IQCF2: variants seen among roughly 807,000 people sequenced by gnomAD.
IQCF2 encodes IQ domain-containing protein F2.
A neutral mutation model predicts 7.0 loss-of-function variants in IQCF2; 6 were observed. The observed-to-expected ratio is 0.86, with a 90% CI of 0.47 to 1.70. The LOEUF (loss-of-function observed/expected upper bound fraction) is 1.70. IQCF2 is among the 40% of genes most tolerant of loss of function. The pLI is 0.01. For missense variants in IQCF2, 174 were observed against 204.6 expected, an observed-to-expected ratio of 0.85 and a Z score of 0.91; for synonymous variants, 67 against 74.0, an observed-to-expected ratio of 0.91 and a Z score of 0.48.
At chr3:51,862,851 A>G in intron 2 of IQCF2, 136 bp from the exon 3 acceptor site, 1 of 1,040,846 alleles carries the variant, frequency 9.6e-7, no homozygotes, top group Non-Finnish European at 1.4e-6. Flanking sequence ...GATGGCTCCT[A>G]GTCAGTGTCC....
Position 51,863,092 on chromosome 3 carries a change from AT to A in IQCF2, c.219del (p.Gln74SerfsTer6), listed in dbSNP as rs1342961991. ...GCATGCAGCCCTCAGGGCCTGGATA[AT>A]TCAGTGCTGGTGGCGGATGACGCTG... The part of the protein sequence containing the change: ...LLHAALRAWI[I>X]QCWWRMTLSR... On this transcript the variant is annotated frameshift_variant, in exon 3 of 3. Transcript: ENST00000333127. LOFTEE classifies it low-confidence loss of function (END_TRUNC). 1.2e-6 allele frequency: 2 copies of A among 1,614,146 alleles called. No homozygotes were observed. The highest frequency in any genetic ancestry group is 1.7e-6 in the Non-Finnish European group (2 of 1,180,048).
At position 51,863,221 on chromosome 3, in the gene IQCF2, C is replaced by T. The variant is rs754264907; in HGVS notation, c.346C>T (p.Arg116Cys). Reference protein sequence around the residue: ...LQSLVRMWRVRWRYCQVLNAI... With the variant: ...LQSLVRMWRVCWRYCQVLNAI... ...GTCTTTGGTCCGTATGTGGCGTGTC[C>T]GCTGGCGATACTGCCAGGTGCTCAA... is the stretch of plus-strand genomic sequence containing the variant. The change falls in exon 3 of 3, where the codon CGC becomes TGC. Residue 116 changes from arginine (R) to cysteine (C), a missense_variant. By Grantham distance (180) the Arg-to-Cys change is radical. Transcript: ENST00000333127. 88 of 1,614,056 alleles carry T rather than the reference C, an allele frequency of 5.5e-5. No homozygotes were observed. Among genetic ancestry groups the T allele is most frequent in the Admixed American group, 1.5e-4 (9 of 60,004 alleles).
intron 2 of IQCF2, 105 bp downstream of exon 2, chr3:51,862,055 A>G: frequency 5.2e-6 from 4 of 765,878 alleles, no homozygotes; most frequent in Non-Finnish European, 8.7e-6. Context: ...TTAGGAGTCA[A>G]CTCAATGTTG....
At position 51,863,270 on chromosome 3, in the gene IQCF2, A is replaced by G. The variant is rs532810058; in HGVS notation, c.395A>G (p.His132Arg). The G allele has an allele frequency of 3.0e-5, 49 of 1,614,212 alleles. No individual in the cohort carries two copies. The South Asian group carries it at 5.4e-4, about 18-fold the overall frequency. ...VLNAIYIIQG[H>R]WQCHNCQTCA... ...AATGCCATCTACATCATCCAGGGCCACTGGCAATGCCACAACTGCCAGACC... is the reference window on the plus strand; with the variant it reads ...AATGCCATCTACATCATCCAGGGCCGCTGGCAATGCCACAACTGCCAGACC... Residue 132 changes from histidine to arginine, a missense_variant, in exon 3 of 3, where the codon CAC becomes CGC. Physicochemically the swap from His to Arg is conservative, Grantham distance 29. Coordinates refer to ENST00000333127, the MANE Select transcript of IQCF2 (RefSeq NM_203424.2).
Position 51,863,044 on chromosome 3 carries a change from A to C in IQCF2, c.169A>C (p.Thr57Pro). 6.2e-7 allele frequency: 1 copy of C among 1,614,106 alleles called. No individual in the cohort carries two copies. The highest frequency in any genetic ancestry group is 1.3e-5 in the African/African-American group (1 of 75,066). ...AAAGATCCAGGCCTGGTGGCGGGGCACCCTGGTGCGCAGGACACTGCTGCA... is the reference window on the plus strand; with the variant it reads ...AAAGATCCAGGCCTGGTGGCGGGGCCCCCTGGTGCGCAGGACACTGCTGCA... ...AVKIQAWWRG[T>P]LVRRTLLHAA... Residue 57 changes from threonine to proline, a missense_variant, in exon 3 of 3, where the codon ACC becomes CCC. Transcript: ENST00000333127.
In IQCF2 at chr3:51,863,115, G is replaced by C; in HGVS notation, c.240G>C (p.Thr80=). ...AWIIQCWWRM[T]LSRVLEKKRQ... is the part of the protein sequence containing the mutation. ...TAATTCAGTGCTGGTGGCGGATGAC[G>C]CTGTCGAGGGTGCTGGAGAAGAAAC... The change falls in exon 3 of 3, where the codon ACG becomes ACC. Residue 80 remains threonine, a synonymous_variant. Transcript: ENST00000333127. The C allele has an allele frequency of 1.9e-6, 3 of 1,614,260 alleles. No homozygotes were observed. The highest frequency in any genetic ancestry group is 2.5e-6 in the Non-Finnish European group (3 of 1,180,048).
At position 51,861,626 on chromosome 3, in the gene IQCF2, A is replaced by C. The variant is rs1362755063; in HGVS notation, c.-41A>C. ...ACGTTACTCATGCCAGACCTTGGGA[A>C]GCAGAGAAATCAGGGCTAATGAACC... On this transcript the variant is annotated 5_prime_UTR_variant, in exon 1 of 3. Transcript: ENST00000333127. 1 of 1,613,266 alleles carries C rather than the reference A, an allele frequency of 6.2e-7. No individual in the cohort carries two copies. The highest frequency in any genetic ancestry group is 1.3e-5 in the African/African-American group (1 of 74,924).
In IQCF2 at chr3:51,861,879, G is replaced by C; in HGVS notation, c.40G>C (p.Val14Leu). 1 of 1,613,870 alleles carries C rather than the reference G, an allele frequency of 6.2e-7. No homozygotes were observed. The highest frequency in any genetic ancestry group is 8.5e-7 in the Non-Finnish European group (1 of 1,179,808). Residue 14 changes from valine (V) to leucine (L), a missense_variant, in exon 2 of 3, where the codon GTT (valine) becomes CTT (leucine). Val to Leu is a conservative substitution (Grantham distance 32). Coordinates refer to ENST00000333127, the MANE Select transcript of IQCF2 (RefSeq NM_203424.2). ...ACAGACCAAAGGCAATTTAATTTTG[G>C]TTATAATTGAGGATGTTGAAGAAAG... ...RFCTKGNLIL[V>L]IIEDVEESIE...
chr3:51,861,790 T>C (rs1698639566), intron 1 of IQCF2, 68 bp from the exon 2 acceptor site: 6 of 1,571,618 alleles, frequency 3.8e-6, no homozygotes, highest in Non-Finnish European at 5.3e-6. Flanking sequence ...GTAATTGTCT[T>C]TGTATAGAGC....
Position 51,863,166 on chromosome 3 carries a change from A to G in IQCF2, c.291A>G (p.Ala97=), listed in dbSNP as rs777461673. The change falls in exon 3 of 3, where the codon GCA becomes GCG. Residue 97 remains alanine, a synonymous_variant. Transcript: ENST00000333127. ...KKRQAALIAY[A]TRERAVIKLQ... The stretch of plus-strand genomic sequence containing the variant: ...GGCAGGCAGCTCTGATCGCCTACGC[A>G]ACCAGAGAGAGGGCAGTGATCAAGC... 2.5e-6 allele frequency: 4 copies of G among 1,614,188 alleles called. 1 individual carries two copies. The highest frequency in any genetic ancestry group is 3.4e-6 in the Non-Finnish European group (4 of 1,180,022).
In IQCF2 at chr3:51,862,970, CTCTTG is replaced by C; in HGVS notation, c.112-13_112-9del. The C allele has an allele frequency of 6.3e-7, 1 of 1,587,650 alleles. No individual in the cohort carries two copies. The highest frequency in any genetic ancestry group is 1.1e-5 in the South Asian group (1 of 89,620). Reference sequence around the variant, plus strand: ...TGGCAGGAAGTTTTCTGACTGATCGCTCTTGTCTCTGCCTAGGAAAAACTTAGAAT... The same window carrying C: ...TGGCAGGAAGTTTTCTGACTGATCGCTCTCTGCCTAGGAAAAACTTAGAAT... On this transcript the variant is annotated splice_polypyrimidine_tract_variant and intron_variant, in intron 2 of 2. Coordinates refer to ENST00000333127, the MANE Select transcript of IQCF2 (RefSeq NM_203424.2).
At chr3:51,862,626 A>G (rs1401200498) in intron 2 of IQCF2, among the ~76,000 whole-genome samples, 1 of 152,198 alleles carries the variant, frequency 6.6e-6, no homozygotes, top group African/African-American at 2.4e-5. Context: ...GCAGATAATT[A>G]CCAGGCAGAA....
Position 51,863,412 on chromosome 3 carries a change from G to A in IQCF2, c.*42G>A. The A allele has an allele frequency of 1.9e-6, 3 of 1,565,230 alleles. No individual in the cohort carries two copies. Among genetic ancestry groups the A allele is most frequent in the Non-Finnish European group, 2.6e-6 (3 of 1,148,220 alleles). On this transcript the variant is annotated 3_prime_UTR_variant, in exon 3 of 3. Transcript: ENST00000333127. ...CACTGTGTCTACTGTCCCTATTAAA[G>A]GTCTAACCTGGTCTGGTGTGTCTCA...
rs1366417765 is a variant in IQCF2, at chr3:51,861,696, G to A, written c.18+12G>A. On this transcript the variant is annotated intron_variant, in intron 1 of 2. Transcript: ENST00000333127. ...GGGTTCGATTTTGTGTAAGAGACAT[G>A]GCCAGATCTATTAGGTGGACCAGGA... The A allele has an allele frequency of 1.2e-6, 2 of 1,614,074 alleles. No homozygotes were observed. The highest frequency in any genetic ancestry group is 1.1e-5 in the South Asian group (1 of 91,078).
intron 1 of IQCF2, 81 bp downstream of exon 1, chr3:51,861,765 G>A (rs1698639364): frequency 6.3e-7 from 1 of 1,583,620 alleles, no homozygotes; most frequent in Non-Finnish European, 8.7e-7. Flanking sequence ...TGAGAAAAGA[G>A]AGGATGTTAA....
In IQCF2 at chr3:51,863,235, C is replaced by A; in HGVS notation, c.360C>A (p.Cys120Ter). ...VRMWRVRWRY[C>*]QVLNAIYIIQ... is the part of the protein sequence containing the mutation. ...TGTGGCGTGTCCGCTGGCGATACTG[C>A]CAGGTGCTCAATGCCATCTACATCA... is the stretch of plus-strand genomic sequence containing the variant. The change falls in exon 3 of 3, where the codon TGC becomes TGA. Residue 120 changes from cysteine (C) to a stop codon, truncating the protein, a stop_gained. Coordinates refer to ENST00000333127, the MANE Select transcript of IQCF2 (RefSeq NM_203424.2). LOFTEE classifies it high-confidence loss of function. 6.2e-7 allele frequency: 1 copy of A among 1,614,228 alleles called. No homozygotes were observed. Among genetic ancestry groups the A allele is most frequent in the East Asian group, 2.2e-5 (1 of 44,884 alleles).
In IQCF2 at chr3:51,861,963, C is replaced by G. The variant is rs1204671365; in HGVS notation, c.111+13C>G. On this transcript the variant is annotated intron_variant, in intron 2 of 2. Transcript: ENST00000333127. ...GCAGAAAATCAAGGTGAGAAGAATT[C>G]CATGTACTTAAGAGAAATCCAGAAC... The G allele has an allele frequency of 6.3e-7, 1 of 1,579,662 alleles. No homozygotes were observed.
rs1042742250 is a variant in IQCF2 at position 51,861,796 on chromosome 3, A to G, written c.19-62A>G. On this transcript the variant is annotated intron_variant, in intron 1 of 2. Transcript: ENST00000333127. Reference sequence around the variant, plus strand: ...GTTAAAGTAGTAATTGTCTTTGTATAGAGCCATAGAGAGAAACAGTCTTAA... The same window carrying G: ...GTTAAAGTAGTAATTGTCTTTGTATGGAGCCATAGAGAGAAACAGTCTTAA... The G allele has an allele frequency of 5.8e-6, 9 of 1,559,224 alleles. No individual in the cohort carries two copies. In the Admixed American group the frequency reaches 1.5e-4, roughly 26 times the overall value.
Position 51,863,114 on chromosome 3 carries a change from C to A in IQCF2, c.239C>A (p.Thr80Lys). 1 of 1,614,194 alleles carries A rather than the reference C, an allele frequency of 6.2e-7. No individual in the cohort carries two copies. The highest frequency in any genetic ancestry group is 8.5e-7 in the Non-Finnish European group (1 of 1,180,042). ...ATAATTCAGTGCTGGTGGCGGATGA[C>A]GCTGTCGAGGGTGCTGGAGAAGAAA... ...AWIIQCWWRM[T>K]LSRVLEKKRQ... The change falls in exon 3 of 3, where the codon ACG becomes AAG. Residue 80 changes from threonine (T) to lysine (K), a missense_variant. Physicochemically the swap from Thr to Lys is moderately conservative, Grantham distance 78 (BLOSUM62 -1). Transcript: ENST00000333127.
Sources: gnomAD v4.1 joint callset for allele counts (sites outside exome capture counted in the v4.1 genomes callset) on GRCh38, gnomAD v4.1.1 for gene constraint, MANE v1.5 for transcripts, NCBI Gene and HGNC (gene_info 2026-07-23, HGNC 2026-07-21) for gene names.